PXT1: variants seen among roughly 807,000 people sequenced by gnomAD.
The protein encoded by PXT1 is peroxisomal testis-specific protein 1.
Under a neutral mutation model 11.0 loss-of-function variants are expected in PXT1, and 11 were observed. The ratio of observed to expected loss-of-function variants is 1.00; its 90% CI spans 0.63 to 1.66. The LOEUF is 1.66. Among genes scored for constraint, PXT1 ranks in the 40% most tolerant of loss-of-function variants. PXT1 has a pLI of 0.00. For missense variants in PXT1, 141 were observed against 155.5 expected (o/e 0.91, Z 0.49); for synonymous variants, 43 against 51.4 (o/e 0.84, Z 0.70).
At chr6:36,433,842 A>G (rs1312017719) in intron 2 of PXT1, among the ~76,000 whole-genome samples, 1 of 99,648 alleles carries the variant, frequency 1.0e-5, no homozygotes, top group Non-Finnish European at 2.1e-5. Context: ...AAAAAAAAAG[A>G]AAAGAAAAGA....
rs1252311426 is a variant in PXT1 at position 36,394,331 on chromosome 6, A to G, written c.301-2457T>C. ...ATTGGGGGAATTAAATGAAACATGT[A>G]GAAGTGTCTCAAACAGTACCTGGAA... On this transcript the variant is annotated intron_variant, in intron 4 of 4. Transcript: ENST00000454782. Among the ~76,000 whole-genome samples the G allele has an allele frequency of 2.6e-5, 4 of 152,252 alleles. No individual in the cohort carries two copies. The East Asian group carries it at 7.7e-4, about 29-fold the overall frequency.
chr6:36,404,300 G>A (rs1363057371), intron 3 of PXT1, among the ~76,000 whole-genome samples: 1 of 152,154 alleles, frequency 6.6e-6, no homozygotes, highest in Non-Finnish European at 1.5e-5. Context: ...CGTATACAAT[G>A]GTGGTCTCAT....
intron 3 of PXT1, among the ~76,000 whole-genome samples, chr6:36,419,198 A>T (rs1386304040): frequency 6.6e-6 from 1 of 152,338 alleles, no homozygotes; most frequent in Non-Finnish European, 1.5e-5. Flanking sequence ...CAGGAATCAA[A>T]TGGGAAGACT....
At chr6:36,427,150 G>A (rs548060399) in intron 2 of PXT1, among the ~76,000 whole-genome samples, 15 of 151,548 alleles carry the variant, frequency 9.9e-5, no homozygotes, top group South Asian at 2.1e-4. Context: ...CTACAGGTGC[G>A]TGCCACCATG....
At position 36,391,738 on chromosome 6, in the gene PXT1, C is replaced by T. The variant is rs1781307084; in HGVS notation, c.*32G>A. 1 of 1,417,662 alleles carries T rather than the reference C, an allele frequency of 7.1e-7. No homozygotes were observed. The highest frequency in any genetic ancestry group is 1.2e-5 in the South Asian group (1 of 86,684). 87.8% of individuals were successfully genotyped at this position (1,417,662 alleles called of 1,614,324 possible). On this transcript the variant is annotated 3_prime_UTR_variant, in exon 5 of 5. Coordinates refer to ENST00000454782, the MANE Select transcript of PXT1 (RefSeq NM_152990.4). ...TGTTTCTCAGAGGGTAAAAAGAAAA[C>T]AGAACTTGACCACTTGACCTTTACT...
At chr6:36,394,102 T>A (rs1169540470) in intron 4 of PXT1, among the ~76,000 whole-genome samples, 2 of 152,188 alleles carry the variant, frequency 1.3e-5, no homozygotes, top group Non-Finnish European at 2.9e-5. Context: ...CTCCCCCTCT[T>A]ATAGTCGATA....
intron 2 of PXT1, among the ~76,000 whole-genome samples, chr6:36,433,717 C>T (rs1022163394): frequency 1.3e-5 from 2 of 150,036 alleles, no homozygotes; most frequent in Non-Finnish European, 3.0e-5. Context: ...CTCAGCTTCT[C>T]GGGAGGCTGA....
At chr6:36,439,873 C>G (rs1205666577) in intron 1 of PXT1, among the ~76,000 whole-genome samples, 1 of 152,150 alleles carries the variant, frequency 6.6e-6, no homozygotes, top group Non-Finnish European at 1.5e-5. Flanking sequence ...TCCTGACTCC[C>G]CTATCCTGAC....
At chr6:36,438,068 C>T (rs1774793592) in intron 2 of PXT1, among the ~76,000 whole-genome samples, 1 of 152,032 alleles carries the variant, frequency 6.6e-6, no homozygotes, top group East Asian at 1.9e-4. Flanking sequence ...GATCCACCTG[C>T]CTCGGCCTCC....
At chr6:36,406,749 C>T (rs145007132) in intron 3 of PXT1, among the ~76,000 whole-genome samples, 20 of 150,060 alleles carry the variant, frequency 1.3e-4, no homozygotes, top group African/African-American at 3.2e-4. Context: ...AGGTAGAGGT[C>T]GCAGTGGGCC....
chr6:36,410,058 C>A (rs957122890), intron 3 of PXT1, among the ~76,000 whole-genome samples: 3 of 149,328 alleles, frequency 2.0e-5, no homozygotes, highest in Non-Finnish European at 4.5e-5. Context: ...CTCGGTGGCT[C>A]GTGCCTGTAA....
chr6:36,434,203 A>G (rs1774732642), intron 2 of PXT1, among the ~76,000 whole-genome samples: 1 of 152,054 alleles, frequency 6.6e-6, no homozygotes, highest in South Asian at 2.1e-4. Flanking sequence ...GAAACAAAGA[A>G]ATGCAAAAAA....
In PXT1 at chr6:36,390,705, G is replaced by A. The variant is rs1167103492; in HGVS notation, c.*1065C>T. On this transcript the variant is annotated 3_prime_UTR_variant, in exon 5 of 5. Transcript: ENST00000454782. Reference sequence around the variant, plus strand: ...TAATTCTTTTAAAGGAGGGGAGAGAGGGACTATGAGGTAGACAAAAAGGTA... The same window carrying A: ...TAATTCTTTTAAAGGAGGGGAGAGAAGGACTATGAGGTAGACAAAAAGGTA... The A allele has an allele frequency of 1.3e-5, 2 of 152,132 alleles. No individual in the cohort carries two copies. Among genetic ancestry groups the A allele is most frequent in the African/African-American group, 4.8e-5 (2 of 41,410 alleles). 9.4% of individuals were successfully genotyped at this position (152,132 alleles called of 1,614,324 possible).
rs146487602 is a variant in PXT1 at position 36,414,257 on chromosome 6, T to C, written c.169+11657A>G. Among the ~76,000 whole-genome samples, 12 of 151,900 alleles carry C rather than the reference T, an allele frequency of 7.9e-5. No homozygotes were observed. In the East Asian group the frequency reaches 2.1e-3, roughly 27 times the overall value. ...GCAGTGTGCCTAGAGAGTAACCAGA[T>C]TGGAGCAAGATAACAACTCTCAAAG... On this transcript the variant is annotated intron_variant, in intron 3 of 4. Transcript: ENST00000454782.
At chr6:36,430,741 T>C (rs1204377130) in intron 2 of PXT1, among the ~76,000 whole-genome samples, 7 of 152,366 alleles carry the variant, frequency 4.6e-5, no homozygotes, top group East Asian at 1.9e-4. Context: ...AGAAAACTTA[T>C]ATACTACGTT....
At chr6:36,410,833 A>C (rs1401332710) in intron 3 of PXT1, among the ~76,000 whole-genome samples, 2 of 152,138 alleles carry the variant, frequency 1.3e-5, no homozygotes, top group African/African-American at 4.8e-5. Flanking sequence ...CTGAGTCTCC[A>C]TTTGGGAGAG....
Position 36,429,510 on chromosome 6 carries a change from T to TTC in PXT1, c.-9-3420_-9-3419insGA, listed in dbSNP as rs1174382154. On this transcript the variant is annotated intron_variant, in intron 2 of 4. Coordinates refer to ENST00000454782, the MANE Select transcript of PXT1 (RefSeq NM_152990.4). ...TTTCTTTTTTCTTTTTTTCTTTTCTTTTTTTTTTTTTTGAGATGGAGTTTC... is the reference window on the plus strand; with the variant it reads ...TTTCTTTTTTCTTTTTTTCTTTTCTTTCTTTTTTTTTTTTGAGATGGAGTTTC... Among the ~76,000 whole-genome samples the TTC allele has an allele frequency of 3.2e-3, 459 of 141,852 alleles. 3 individuals are homozygous for TTC. Among genetic ancestry groups the TTC allele is most frequent in the African/African-American group, 0.011 (437 of 38,234 alleles). The allele number at this position is 141,852 out of a possible 152,430, so 93.1% of individuals were successfully genotyped here. A position where few individuals can be genotyped will look rare whatever the true frequency, so the allele number is the denominator to read the frequency against.
At chr6:36,428,225 C>T (rs1392743346) in intron 2 of PXT1, among the ~76,000 whole-genome samples, 2 of 151,922 alleles carry the variant, frequency 1.3e-5, no homozygotes, top group African/African-American at 4.8e-5. Context: ...GCGGGCGGAT[C>T]ATGAGGTCAG....
At chr6:36,414,615 C>T (rs1774423139) in intron 3 of PXT1, among the ~76,000 whole-genome samples, 2 of 152,124 alleles carry the variant, frequency 1.3e-5, no homozygotes, top group Admixed American at 6.6e-5. Flanking sequence ...ACAGAGTCTT[C>T]GTTGCTGGTA....
Sources: allele counts gnomAD v4.1 joint callset (sites outside exome capture counted in the v4.1 genomes callset), GRCh38; gene constraint gnomAD v4.1.1; transcripts MANE v1.5; gene names NCBI Gene and HGNC (gene_info 2026-07-23, HGNC 2026-07-21).